Variants in RNF167 observed in about 807,000 individuals in gnomAD.
The protein encoded by RNF167 is E3 ubiquitin-protein ligase RNF167.
RNF167 carries 19 observed loss-of-function variants against 34.8 expected under a neutral mutation model. The observed-to-expected ratio is 0.55, with a 90% confidence interval of 0.38 to 0.80. RNF167 has a LOEUF of 0.80. Among genes scored for constraint, RNF167 ranks in the 30% least tolerant of loss-of-function variants. The pLI is 0.00. For missense variants in RNF167, 464 were observed against 447.0 expected, an observed-to-expected ratio of 1.04 and a Z score of -0.34; for synonymous variants, 200 against 170.4, an observed-to-expected ratio of 1.17 and a Z score of -1.35.
In RNF167 at chr17:4,943,334, G is replaced by C. The variant is rs775302229; in HGVS notation, c.576+50G>C. 2.5e-6 allele frequency: 4 copies of C among 1,595,420 alleles called. No homozygotes were observed. The East Asian group carries it at 8.9e-5, about 36-fold the overall frequency. On this transcript the variant is annotated intron_variant, in intron 7 of 9. Transcript: ENST00000262482. ...GGAAGCACTGAGGCCTGTGAGGCCAGACTGGATCTGGAGTTGGGAGATGGG... is the reference window on the plus strand; with the variant it reads ...GGAAGCACTGAGGCCTGTGAGGCCACACTGGATCTGGAGTTGGGAGATGGG...
chr17:4,941,034 A>G, intron 2 of RNF167, 41 bp downstream of exon 2: 2 of 1,613,708 alleles, frequency 1.2e-6, no homozygotes, highest in Non-Finnish European at 1.7e-6. Context: ...GCTGAAAGGA[A>G]GGGTTGCAGG....
rs774089728 is a variant in RNF167 at position 4,943,227 on chromosome 17, C to T, written c.519C>T (p.Tyr173=). 1 of 1,614,134 alleles carries T rather than the reference C, an allele frequency of 6.2e-7. No homozygotes were observed. Among genetic ancestry groups the T allele is most frequent in the Admixed American group, 1.7e-5 (1 of 60,016 alleles). Residue 173 remains tyrosine, a synonymous_variant, in exon 7 of 10, where the codon TAC becomes TAT. Transcript: ENST00000262482. ...ACAATACCTTCCCCTTGGGCTATTA[C>T]CTCATCCCTTTCACAGGGATTGTGG... ...VPDNTFPLGY[Y]LIPFTGIVGL...
Position 4,944,687 on chromosome 17 carries a change from AG to A in RNF167, c.752-26del, listed in dbSNP as rs1386439520. The A allele has an allele frequency of 3.1e-6, 5 of 1,614,090 alleles. No individual in the cohort carries two copies. In the Admixed American group the frequency reaches 5.0e-5, roughly 16 times the overall value. On this transcript the variant is annotated intron_variant, in intron 9 of 9. Coordinates refer to ENST00000262482, the MANE Select transcript of RNF167 (RefSeq NM_015528.3). ...TGCCCCTCTGCCACCAGCAGCCACC[AG>A]GTGCTTCACCTTGTTCCTCTCTGCA... is the stretch of plus-strand genomic sequence containing the variant.
chr17:4,942,268 G>A (rs1336098691), intron 3 of RNF167, 73 bp from the exon 4 acceptor site: 4 of 1,549,428 alleles, frequency 2.6e-6, no homozygotes, highest in Admixed American at 1.7e-5. Context: ...GTGGGCTGGT[G>A]TGTTTGGTGG....
In RNF167 at chr17:4,942,957, C is replaced by A. The variant is rs759472057; in HGVS notation, c.470+16C>A. ...ACGAGAAGGGGTAGGACATGTGCCT[C>A]CTTCCCATTCTTCCTTCAGCAAGCA... On this transcript the variant is annotated intron_variant, in intron 6 of 9. Coordinates refer to ENST00000262482, the MANE Select transcript of RNF167 (RefSeq NM_015528.3). 2.0e-5 allele frequency: 32 copies of A among 1,610,320 alleles called. No individual in the cohort carries two copies. The highest frequency in any genetic ancestry group is 2.5e-5 in the Non-Finnish European group (29 of 1,176,782).
At position 4,942,396 on chromosome 17, in the gene RNF167, C is replaced by T; in HGVS notation, c.221C>T (p.Pro74Leu). ...GCCTGCAGCCCCATTGCCCCACCAC[C>T]CCCAGCCCCGGTCAATGGGTCAGTC... is the stretch of plus-strand genomic sequence containing the variant. ...DNACSPIAPP[P>L]PAPVNGSVFI... is the part of the protein sequence containing the mutation. Residue 74 changes from proline to leucine, a missense_variant, in exon 4 of 10, where the codon CCC becomes CTC. By Grantham distance (98) the Pro-to-Leu change is moderately conservative. Coordinates refer to ENST00000262482, the MANE Select transcript of RNF167 (RefSeq NM_015528.3). The T allele has an allele frequency of 6.2e-7, 1 of 1,614,094 alleles. No homozygotes were observed. The highest frequency in any genetic ancestry group is 8.5e-7 in the Non-Finnish European group (1 of 1,179,966).
Position 4,943,232 on chromosome 17 carries a change from T to C in RNF167, c.524T>C (p.Ile175Thr). 6.2e-7 allele frequency: 1 copy of C among 1,614,108 alleles called. No homozygotes were observed. Among genetic ancestry groups the C allele is most frequent in the Non-Finnish European group, 8.5e-7 (1 of 1,180,006 alleles). ...ACCTTCCCCTTGGGCTATTACCTCA[T>C]CCCTTTCACAGGGATTGTGGGACTG... Reference protein sequence around the residue: ...DNTFPLGYYLIPFTGIVGLLV... With the variant: ...DNTFPLGYYLTPFTGIVGLLV... Residue 175 changes from isoleucine (I) to threonine (T), a missense_variant, in exon 7 of 10, where the codon ATC (isoleucine) becomes ACC (threonine). Ile to Thr is a moderately conservative substitution (Grantham distance 89). Transcript: ENST00000262482.
At position 4,944,604 on chromosome 17, in the gene RNF167, T is replaced by C; in HGVS notation, c.717T>C (p.Asp239=). 9 of 1,611,992 alleles carry C rather than the reference T, an allele frequency of 5.6e-6. No individual in the cohort carries two copies. Among genetic ancestry groups the C allele is most frequent in the Non-Finnish European group, 7.6e-6 (9 of 1,179,032 alleles). ...VCAICLDEYE[D]GDKLRVLPCA... is the part of the protein sequence containing the mutation. ...CCATTTGCCTGGATGAATATGAGGA[T>C]GGGGACAAGCTGCGGGTACTCCCCT... The change falls in exon 9 of 10, where the codon GAT becomes GAC. Residue 239 remains aspartate, a synonymous_variant. Coordinates refer to ENST00000262482, the MANE Select transcript of RNF167 (RefSeq NM_015528.3).
intron 8 of RNF167, 96 bp from the exon 9 acceptor site, chr17:4,944,462 T>A: frequency 6.6e-7 from 1 of 1,504,922 alleles, no homozygotes; most frequent in Non-Finnish European, 8.9e-7. Context: ...TCCACTGGCT[T>A]TGTAGGTGAG....
Position 4,940,337 on chromosome 17 carries a change from C to A in RNF167, c.-447C>A, listed in dbSNP as rs932764253. On this transcript the variant is annotated 5_prime_UTR_variant, in exon 1 of 10. Transcript: ENST00000262482. ...AGCACTCTCGCGAGATTTGAAGGAG[C>A]GGCGGAGGCCAGAGGGAGGAGAGGT... The A allele has an allele frequency of 1.2e-5, 2 of 164,350 alleles. No individual in the cohort carries two copies. Among genetic ancestry groups the A allele is most frequent in the Non-Finnish European group, 2.6e-5 (2 of 76,804 alleles). The allele number at this position is 164,350 out of a possible 1,614,324, so 10.2% of individuals were successfully genotyped here. A position where few individuals can be genotyped will look rare whatever the true frequency, so the allele number is the denominator to read the frequency against.
At chr17:4,942,213 G>A (rs1970882437) in intron 3 of RNF167, 128 bp from the exon 4 acceptor site, 2 of 1,090,786 alleles carry the variant, frequency 1.8e-6, no homozygotes, top group Admixed American at 2.1e-5. Context: ...TGCTCACTCA[G>A]ACCCCAGGAA....
rs1971272157 is a variant in RNF167, at chr17:4,945,020, C to T, written c.*4C>T. The T allele has an allele frequency of 6.5e-7, 1 of 1,528,768 alleles. No homozygotes were observed. Among genetic ancestry groups the T allele is most frequent in the Non-Finnish European group, 8.8e-7 (1 of 1,137,684 alleles). 94.7% of individuals were successfully genotyped at this position (1,528,768 alleles called of 1,614,324 possible). On this transcript the variant is annotated 3_prime_UTR_variant, in exon 10 of 10. Transcript: ENST00000262482. ...TTCCCCTGTTATCCTGGTCTAATAA[C>T]CCCCCACACATACACCTCTGGTGAC...
intron 7 of RNF167, 48 bp from the exon 8 acceptor site, chr17:4,943,378 G>A (rs375142385): frequency 3.8e-6 from 6 of 1,589,424 alleles, no homozygotes; most frequent in Non-Finnish European, 5.2e-6. Flanking sequence ...GTCCTAGATT[G>A]TCTAGTTTTG....
rs1970683108 is a variant in RNF167, at chr17:4,940,502, A to G, written c.-408A>G. On this transcript the variant is annotated 5_prime_UTR_variant, in exon 2 of 10. Transcript: ENST00000262482. Reference sequence around the variant, plus strand: ...GGCCTTTTAGGACCGGAAGTCCTTCATCTCAAGCATCCAATGCTGAAAGCG... The same window carrying G: ...GGCCTTTTAGGACCGGAAGTCCTTCGTCTCAAGCATCCAATGCTGAAAGCG... 1 of 176,162 alleles carries G rather than the reference A, an allele frequency of 5.7e-6. No individual in the cohort carries two copies. The highest frequency in any genetic ancestry group is 6.3e-5 in the Admixed American group (1 of 15,872). 10.9% of individuals were successfully genotyped at this position (176,162 alleles called of 1,614,324 possible). A position where few individuals can be genotyped will look rare whatever the true frequency, so the allele number is the denominator to read the frequency against.
At position 4,940,975 on chromosome 17, in the gene RNF167, C is replaced by G. The variant is rs1404381091; in HGVS notation, c.66C>G (p.Thr22=). ...VAAVLWGAAP[T]RGLIRATSDH... Reference sequence around the variant, plus strand: ...CTGTGCTGTGGGGAGCGGCCCCGACCCGGGGGCTCATTCGAGCGGTGAGTC... The same window carrying G: ...CTGTGCTGTGGGGAGCGGCCCCGACGCGGGGGCTCATTCGAGCGGTGAGTC... Residue 22 remains threonine, a synonymous_variant, in exon 2 of 10, where the codon ACC becomes ACG. Coordinates refer to ENST00000262482, the MANE Select transcript of RNF167 (RefSeq NM_015528.3). 1 of 1,612,444 alleles carries G rather than the reference C, an allele frequency of 6.2e-7. No homozygotes were observed. Among genetic ancestry groups the G allele is most frequent in the South Asian group, 1.1e-5 (1 of 90,994 alleles).
At chr17:4,944,319 C>T (rs977313603) in intron 8 of RNF167, 2 of 944,062 alleles carry the variant, frequency 2.1e-6, no homozygotes, top group African/African-American at 1.7e-5. Context: ...TCCTTCCACT[C>T]CCTATCTCCA....
chr17:4,940,962 G>A lies in RNF167; in HGVS notation c.53G>A (p.Gly18Glu), dbSNP rs1414265532. The A allele has an allele frequency of 6.2e-7, 1 of 1,612,054 alleles. No individual in the cohort carries two copies. The highest frequency in any genetic ancestry group is 1.7e-5 in the Admixed American group (1 of 59,888). The part of the protein sequence containing the change: ...LPVVVAAVLW[G>E]AAPTRGLIRA... ...GTGGTTGTGGCCGCTGTGCTGTGGGGAGCGGCCCCGACCCGGGGGCTCATT... is the reference window on the plus strand; with the variant it reads ...GTGGTTGTGGCCGCTGTGCTGTGGGAAGCGGCCCCGACCCGGGGGCTCATT... Residue 18 changes from glycine to glutamate, a missense_variant, in exon 2 of 10, where the codon GGA becomes GAA. Coordinates refer to ENST00000262482, the MANE Select transcript of RNF167 (RefSeq NM_015528.3).
At chr17:4,942,521 G>A in intron 4 of RNF167, 55 bp downstream of exon 4, 1 of 1,613,398 alleles carries the variant, frequency 6.2e-7, no homozygotes, top group Non-Finnish European at 8.5e-7. Flanking sequence ...AAGGCACCAG[G>A]AATGAAGACA....
intron 6 of RNF167, 74 bp downstream of exon 6, chr17:4,943,015 A>T: frequency 6.9e-7 from 1 of 1,446,656 alleles, no homozygotes; most frequent in Non-Finnish European, 9.7e-7. Flanking sequence ...AGGCCTCCTC[A>T]TTACCCGAAC....
Sources: allele counts gnomAD v4.1 joint callset, GRCh38; gene constraint gnomAD v4.1.1; transcripts MANE v1.5; gene names NCBI Gene and HGNC (gene_info 2026-07-23, HGNC 2026-07-21).